The following FRMD3 variants were observed in gnomAD, a reference collection of about 807,000 sequenced individuals.
The protein encoded by FRMD3 is FERM domain containing 3.
FRMD3 carries 33 observed loss-of-function variants against 70.2 expected under a neutral mutation model. The ratio of observed to expected loss-of-function variants is 0.47; its 90% CI spans 0.36 to 0.63. The LOEUF (loss-of-function observed/expected upper bound fraction) is 0.63. Ranked by LOEUF, FRMD3 falls within the 20% of genes least tolerant of loss-of-function variation. The pLI is 0.00. For synonymous variants in FRMD3, 279 were observed against 255.9 expected (o/e 1.09, Z -0.86); for missense variants, 632 against 711.4 (o/e 0.89, Z 1.27).
intron 6 of FRMD3, among the ~76,000 whole-genome samples, chr9:83,321,125 A>G (rs984927364): frequency 3.4e-4 from 51 of 148,708 alleles, no homozygotes; most frequent in African/African-American, 1.2e-3. Flanking sequence ...ATCTTTTTTC[A>G]AAACAAAAGA....
intron 12 of FRMD3, among the ~76,000 whole-genome samples, chr9:83,292,139 C>G (rs1364313951): frequency 6.7e-6 from 1 of 150,346 alleles, no homozygotes; most frequent in African/African-American, 2.4e-5. Context: ...GCTTTCTGGT[C>G]TGAGACCTAC....
intron 13 of FRMD3, among the ~76,000 whole-genome samples, chr9:83,266,198 A>C (rs939625213): frequency 6.6e-6 from 1 of 152,198 alleles, no homozygotes; most frequent in East Asian, 1.9e-4. Context: ...GGGAGTATTA[A>C]CGGAAAGCAT....
chr9:83,567,918 C>T, the FRMD3 span, among the ~76,000 whole-genome samples: 1 of 152,172 alleles, frequency 6.6e-6, no homozygotes, highest in Non-Finnish European at 1.5e-5. Flanking sequence ...CTGCCTGTTA[C>T]CCAGTTCCAA....
chr9:83,310,785 G>C (rs1271975384), intron 8 of FRMD3, among the ~76,000 whole-genome samples: 1 of 152,156 alleles, frequency 6.6e-6, no homozygotes, highest in Non-Finnish European at 1.5e-5. Flanking sequence ...TTACAGTCAG[G>C]CTGCATCGTT....
At chr9:83,352,535 T>C (rs555550603) in intron 3 of FRMD3, among the ~76,000 whole-genome samples, 1 of 152,288 alleles carries the variant, frequency 6.6e-6, no homozygotes, top group African/African-American at 2.4e-5. Flanking sequence ...TCCCACCCAG[T>C]TCTCCTCACT....
At chr9:83,580,771 C>T in the FRMD3 span, among the ~76,000 whole-genome samples, 15 of 152,066 alleles carry the variant, frequency 9.9e-5, no homozygotes, top group South Asian at 2.9e-3. Flanking sequence ...AAATGTATTG[C>T]CACAAAAAAT....
At chr9:83,580,861 T>C in the FRMD3 span, among the ~76,000 whole-genome samples, 3 of 152,140 alleles carry the variant, frequency 2.0e-5, no homozygotes, top group African/African-American at 4.8e-5. Flanking sequence ...TACCACAATG[T>C]ACCCCATGAA....
At chr9:83,278,671 C>T (rs558200916) in intron 13 of FRMD3, among the ~76,000 whole-genome samples, 53 of 152,276 alleles carry the variant, frequency 3.5e-4, no homozygotes, top group Middle Eastern at 3.4e-3. Context: ...GGATGACCCA[C>T]GTGGACTGTC....
chr9:83,529,437 T>C (rs777992446), intron 1 of FRMD3, among the ~76,000 whole-genome samples: 4 of 152,232 alleles, frequency 2.6e-5, no homozygotes, highest in East Asian at 1.9e-4. Flanking sequence ...CTTATGAATA[T>C]ATGAAAATCA....
At chr9:83,500,493 T>A (rs1829038384) in intron 1 of FRMD3, among the ~76,000 whole-genome samples, 1 of 118,518 alleles carries the variant, frequency 8.4e-6, no homozygotes, top group South Asian at 2.6e-4. Context: ...GTGCTTGGCG[T>A]GTATGCGCGC....
At chr9:83,440,370 G>A (rs891069296) in intron 1 of FRMD3, among the ~76,000 whole-genome samples, 1 of 152,220 alleles carries the variant, frequency 6.6e-6, no homozygotes, top group Non-Finnish European at 1.5e-5. Flanking sequence ...AATGTCCAAA[G>A]AGAGTAATGG....
At position 83,311,978 on chromosome 9, in the gene FRMD3, GAAAAA is replaced by G. The variant is rs200178795; in HGVS notation, c.685-8_685-4del. The G allele has an allele frequency of 1.4e-5, 18 of 1,327,014 alleles. No homozygotes were observed. The South Asian group carries it at 1.6e-4, about 12-fold the overall frequency. 82.2% of individuals were successfully genotyped at this position (1,327,014 alleles called of 1,614,324 possible). ...AATGTTGTTGTGCCTGTTGAATCCTGAAAAAAAAAAAAAAGAAAAAAGAAAAATCT... is the reference window on the plus strand; with the variant it reads ...AATGTTGTTGTGCCTGTTGAATCCTGAAAAAAAAAGAAAAAAGAAAAATCT... On this transcript the variant is annotated splice_region_variant and splice_polypyrimidine_tract_variant and intron_variant, in intron 7 of 13. Coordinates refer to ENST00000304195, the MANE Select transcript of FRMD3 (RefSeq NM_174938.6).
intron 3 of FRMD3, chr9:83,350,620 T>C (rs1007808968): frequency 3.5e-5 from 7 of 199,662 alleles, no homozygotes; most frequent in Admixed American, 5.5e-4. Flanking sequence ...TGAAACTCCA[T>C]CTCAAAAAAA....
chr9:83,388,209 T>C (rs908072029), intron 2 of FRMD3, among the ~76,000 whole-genome samples: 2 of 152,200 alleles, frequency 1.3e-5, no homozygotes, highest in African/African-American at 4.8e-5. Context: ...ATCTAATCTA[T>C]TCCTTAAATA....
intron 1 of FRMD3, among the ~76,000 whole-genome samples, chr9:83,434,260 T>C (rs1043600948): frequency 2.6e-5 from 4 of 152,226 alleles, no homozygotes; most frequent in Non-Finnish European, 2.9e-5. Flanking sequence ...TTTAGGAGAC[T>C]GTGCCGTGGT....
At chr9:83,470,307 A>G (rs1828238997) in intron 1 of FRMD3, among the ~76,000 whole-genome samples, 1 of 152,148 alleles carries the variant, frequency 6.6e-6, no homozygotes, top group Non-Finnish European at 1.5e-5. Flanking sequence ...AGAGGGGGCG[A>G]TGGCTTACAC....
intron 3 of FRMD3, among the ~76,000 whole-genome samples, chr9:83,363,450 CA>C (rs1824674840): frequency 6.6e-6 from 1 of 151,466 alleles, no homozygotes; most frequent in Non-Finnish European, 1.5e-5. Context: ...GTGTTATAAG[CA>C]ATGCTGTAAT....
intron 12 of FRMD3, among the ~76,000 whole-genome samples, chr9:83,291,764 C>T (rs1834428595): frequency 6.6e-6 from 1 of 152,164 alleles, no homozygotes; most frequent in Admixed American, 6.5e-5. Flanking sequence ...AAAATGTGTT[C>T]AGGTTTGAAA....
At chr9:83,538,415 C>A, upstream of FRMD3, 1 of 418,282 alleles carries the variant, frequency 2.4e-6, no homozygotes, top group Non-Finnish European at 4.0e-6. The surrounding 1 kb of genome is among the most constrained non-coding windows in gnomAD (Gnocchi z 4.7). Flanking sequence ...CGGGTCCCTC[C>A]CTCTGTTCGC....
Sources: gnomAD v4.1 joint callset for allele counts (sites outside exome capture counted in the v4.1 genomes callset) on GRCh38, gnomAD v4.1.1 for gene constraint, Gnocchi (gnomAD v3.1) non-coding constraint, MANE v1.5 for transcripts, NCBI Gene and HGNC (gene_info 2026-07-23, HGNC 2026-07-21) for gene names.